NEK4: variants seen among roughly 807,000 people sequenced by gnomAD.
NEK4 encodes NIMA related kinase 4.
In NEK4, 86 loss-of-function variants were observed where a neutral mutation model predicts 98.4. The observed-to-expected ratio is 0.87, with a 90% CI of 0.73 to 1.05. The LOEUF is 1.05. NEK4 is among the 50% of genes least tolerant of loss of function. The pLI, the probability that NEK4 is intolerant of heterozygous loss-of-function variation, is 0.00. For synonymous variants in NEK4, 328 were observed against 342.2 expected (o/e 0.96, Z 0.46); for missense variants, 898 against 950.3 (o/e 0.94, Z 0.72).
intron 8 of NEK4, among the ~76,000 whole-genome samples, 168 bp downstream of exon 8, chr3:52,749,524 T>C (rs1561316752): frequency 6.6e-6 from 1 of 151,974 alleles, no homozygotes; most frequent in Non-Finnish European, 1.5e-5. Flanking sequence ...GGAGAAATAC[T>C]GGCCAAAGTA....
intron 9 of NEK4, among the ~76,000 whole-genome samples, 200 bp from the exon 10 acceptor site, chr3:52,746,410 A>G (rs752381466): frequency 2.6e-5 from 4 of 152,216 alleles, no homozygotes; most frequent in Non-Finnish European, 5.9e-5. Context: ...ATTTCTAGAA[A>G]TGAGATGTCA....
intron 6 of NEK4, chr3:52,754,376 T>C (rs539363600): frequency 1.3e-5 from 6 of 449,032 alleles, no homozygotes; most frequent in South Asian, 1.1e-4. Context: ...GAGAGTTTTC[T>C]ACAAGATTGA....
At chr3:52,753,082 A>G (rs986004107) in intron 6 of NEK4, among the ~76,000 whole-genome samples, 3 of 151,474 alleles carry the variant, frequency 2.0e-5, no homozygotes, top group Non-Finnish European at 2.9e-5. Context: ...TCATCCCAGC[A>G]CTTGAGCTCA....
In NEK4 at chr3:52,770,919, G is replaced by A. The variant is rs1206616878; in HGVS notation, c.-173C>T. 3.3e-6 allele frequency: 2 copies of A among 613,780 alleles called. No individual in the cohort carries two copies. Among genetic ancestry groups the A allele is most frequent in the South Asian group, 1.9e-5 (1 of 51,328 alleles). 38.0% of individuals were successfully genotyped at this position (613,780 alleles called of 1,614,324 possible). On this transcript the variant is annotated 5_prime_UTR_variant, in exon 1 of 16. Coordinates refer to ENST00000233027, the MANE Select transcript of NEK4 (RefSeq NM_003157.6). ...CCCGCGACGACGCCGCTGCCATAGC[G>A]ATCCGGGCCGGGAGCAGTTCTGCGC...
intron 6 of NEK4, among the ~76,000 whole-genome samples, chr3:52,756,507 G>A (rs1390393362): frequency 6.6e-6 from 1 of 152,106 alleles, no homozygotes; most frequent in Non-Finnish European, 1.5e-5. Context: ...ATGAGGAAAG[G>A]ACAGTTTTTT....
chr3:52,768,831 T>C (rs886698089), intron 1 of NEK4, among the ~76,000 whole-genome samples: 5 of 152,196 alleles, frequency 3.3e-5, no homozygotes, highest in African/African-American at 1.2e-4. Context: ...AAAAATTACC[T>C]TTCCCATCTG....
chr3:52,721,493 C>T (rs897422431), intron 15 of NEK4, among the ~76,000 whole-genome samples: 1 of 151,890 alleles, frequency 6.6e-6, no homozygotes. Context: ...TTTGGGAGGC[C>T]AAGGCAGGAG....
intron 15 of NEK4, among the ~76,000 whole-genome samples, chr3:52,731,863 C>T (rs1029813073): frequency 2.6e-5 from 4 of 152,144 alleles, no homozygotes; most frequent in Non-Finnish European, 4.4e-5. Flanking sequence ...GGGAGGGACC[C>T]GGCGGGAGGT....
rs1561313088 is a variant in NEK4 at position 52,746,822 on chromosome 3, G to A, written c.1589C>T (p.Pro530Leu). 1 of 1,614,056 alleles carries A rather than the reference G, an allele frequency of 6.2e-7. No homozygotes were observed. The highest frequency in any genetic ancestry group is 1.3e-5 in the African/African-American group (1 of 75,046). Reference protein sequence around the residue: ...DLQPHNSGSEPSLSRQRRQKR... With the variant: ...DLQPHNSGSELSLSRQRRQKR... ...TTGCCGTCGCTGTCGAGACAGGGAAGGTTCAGACCCAGAGTTGTGTGGCTG... is the reference window on the plus strand; with the variant it reads ...TTGCCGTCGCTGTCGAGACAGGGAAAGTTCAGACCCAGAGTTGTGTGGCTG... Residue 530 changes from proline (P) to leucine (L), a missense_variant, in exon 9 of 16, where the codon CCT (proline) becomes CTT (leucine). Pro to Leu is a moderately conservative substitution (Grantham distance 98, BLOSUM62 -3). Transcript: ENST00000233027.
In NEK4 at chr3:52,752,023, GGAATCA is replaced by G; in HGVS notation, c.1271_1276del (p.Leu424_Ile425del). 1 of 1,614,180 alleles carries G rather than the reference GGAATCA, an allele frequency of 6.2e-7. No individual in the cohort carries two copies. The highest frequency in any genetic ancestry group is 8.5e-7 in the Non-Finnish European group (1 of 1,180,034). ...AGTGACAATGTCAGAGGACCACATGGGAATCAGGTTTTCAGGCTGGGCACTGGATTT... is the reference window on the plus strand; with the variant it reads ...AGTGACAATGTCAGAGGACCACATGGGGTTTTCAGGCTGGGCACTGGATTT... On this transcript the variant is annotated inframe_deletion, in exon 7 of 16. Transcript: ENST00000233027.
intron 15 of NEK4, among the ~76,000 whole-genome samples, chr3:52,717,436 C>G (rs1214757520): frequency 6.6e-6 from 1 of 151,434 alleles, no homozygotes; most frequent in Non-Finnish European, 1.5e-5. Flanking sequence ...TATGGGGCCC[C>G]AAATCACCTC....
intron 15 of NEK4, among the ~76,000 whole-genome samples, chr3:52,716,138 A>G (rs1578615289): frequency 6.6e-6 from 1 of 151,662 alleles, no homozygotes; most frequent in Non-Finnish European, 1.5e-5. Flanking sequence ...TCACTCCCAC[A>G]CCCCTCGCCG....
chr3:52,720,558 A>G (rs1475476848), intron 15 of NEK4, among the ~76,000 whole-genome samples: 1 of 152,228 alleles, frequency 6.6e-6, no homozygotes, highest in African/African-American at 2.4e-5. Context: ...GGCAACACCA[A>G]TAACATTCAC....
Position 52,754,543 on chromosome 3 carries a change from A to C in NEK4, c.964-2207T>G, listed in dbSNP as rs2097411312. The stretch of plus-strand genomic sequence containing the variant: ...CATGCAATTAGCTTTTCTCCATGGA[A>C]TCCTTCTGTACATGATGAAGCCAGA... On this transcript the variant is annotated intron_variant, in intron 6 of 15. Coordinates refer to ENST00000233027, the MANE Select transcript of NEK4 (RefSeq NM_003157.6). 2.2e-6 allele frequency: 3 copies of C among 1,344,102 alleles called. No individual in the cohort carries two copies. In the African/African-American group the frequency reaches 4.4e-5, roughly 19 times the overall value. The allele number at this position is 1,344,102 out of a possible 1,614,324, so 83.3% of individuals were successfully genotyped here. A position where few individuals can be genotyped will look rare whatever the true frequency, so the allele number is the denominator to read the frequency against.
intron 15 of NEK4, among the ~76,000 whole-genome samples, chr3:52,736,541 G>A (rs186611854): frequency 3.4e-4 from 51 of 150,124 alleles, no homozygotes; most frequent in Non-Finnish European, 6.0e-4. Context: ...AGCTGAGATC[G>A]CACCACTGCA....
At chr3:52,752,551 G>C (rs1380023732) in intron 6 of NEK4, among the ~76,000 whole-genome samples, 1 of 152,018 alleles carries the variant, frequency 6.6e-6, no homozygotes, top group African/African-American at 2.4e-5. Flanking sequence ...ATTTAAAATA[G>C]TCAAAAGGCG....
intron 15 of NEK4, among the ~76,000 whole-genome samples, chr3:52,725,965 T>C (rs1334070235): frequency 6.6e-6 from 1 of 152,140 alleles, no homozygotes; most frequent in East Asian, 1.9e-4. Flanking sequence ...CTATATGCTA[T>C]CTATAAGAGA....
chr3:52,711,719 TAA>T lies in NEK4; in HGVS notation c.*56_*57del. ...CAAATGACTGTTTGCCCTTGCTTTTTAAGCCAAAATCCTCTAAAAATAGGTCT... is the reference window on the plus strand; with the variant it reads ...CAAATGACTGTTTGCCCTTGCTTTTTGCCAAAATCCTCTAAAAATAGGTCT... On this transcript the variant is annotated 3_prime_UTR_variant, in exon 16 of 16. Transcript: ENST00000233027. 8.9e-7 allele frequency: 1 copy of T among 1,128,120 alleles called. No homozygotes were observed. Among genetic ancestry groups the T allele is most frequent in the Non-Finnish European group, 1.3e-6 (1 of 746,454 alleles). The allele number at this position is 1,128,120 out of a possible 1,614,324, so 69.9% of individuals were successfully genotyped here.
chr3:52,757,590 T>G (rs969804717), intron 6 of NEK4, among the ~76,000 whole-genome samples: 1 of 148,650 alleles, frequency 6.7e-6, no homozygotes. Flanking sequence ...GAAATCAGGG[T>G]CTCAAAGAGA....
Sources: allele counts gnomAD v4.1 joint callset (sites outside exome capture counted in the v4.1 genomes callset), GRCh38; gene constraint gnomAD v4.1.1; transcripts MANE v1.5; gene names NCBI Gene and HGNC (gene_info 2026-07-23, HGNC 2026-07-21).